DERA: variants seen among roughly 807,000 people sequenced by gnomAD.
DERA encodes the protein 2-deoxy-D-ribose 5-phosphate aldolase.
In DERA, 15 loss-of-function variants were observed where a neutral mutation model predicts 41.1. The ratio of observed to expected loss-of-function variants is 0.37; its 90% CI spans 0.24 to 0.56. The LOEUF is 0.56. Ranked by LOEUF, DERA falls within the 20% of genes least tolerant of loss-of-function variation. The pLI, the probability that DERA is intolerant of heterozygous loss-of-function variation, is 0.81. For missense variants in DERA, 396 were observed against 403.4 expected, an observed-to-expected ratio of 0.98 and a Z score of 0.16; for synonymous variants, 139 against 137.4, an observed-to-expected ratio of 1.01 and a Z score of -0.08.
In DERA at chr12:16,012,319, G is replaced by A. The variant is rs1253006736; in HGVS notation, c.638-20223G>A. Reference sequence around the variant, plus strand: ...CAGAACAGGATTAAGGGGCCAGCCAGCTGGGCAGTTTCCCAGTGTGCTAAT... The same window carrying A: ...CAGAACAGGATTAAGGGGCCAGCCAACTGGGCAGTTTCCCAGTGTGCTAAT... On this transcript the variant is annotated intron_variant, in intron 6 of 8. Coordinates refer to ENST00000428559, the MANE Select transcript of DERA (RefSeq NM_015954.4). The surrounding 1 kb of genome is among the most constrained non-coding windows in gnomAD (Gnocchi z 4.1). 1.3e-5 allele frequency among the ~76,000 whole-genome samples: 2 copies of A among 152,240 alleles called. No homozygotes were observed. The highest frequency in any genetic ancestry group is 4.8e-5 in the African/African-American group (2 of 41,458).
rs1948649785 is a variant in DERA, at chr12:15,970,057, C to T, written c.508+7110C>T. 6.6e-6 allele frequency among the ~76,000 whole-genome samples: 1 copy of T among 152,178 alleles called. No homozygotes were observed. The highest frequency in any genetic ancestry group is 1.5e-5 in the Non-Finnish European group (1 of 68,012). The stretch of plus-strand genomic sequence containing the variant: ...GTTATTATAATATCTGGTGTGTTAG[C>T]TCATCTCTGCCTTAGTCTTACAAGA... On this transcript the variant is annotated intron_variant, in intron 5 of 8. Coordinates refer to ENST00000428559, the MANE Select transcript of DERA (RefSeq NM_015954.4). The surrounding 1 kb of genome is among the most constrained non-coding windows in gnomAD (Gnocchi z 4.3).
At position 15,995,071 on chromosome 12, in the gene DERA, A is replaced by G. The variant is rs1234727948; in HGVS notation, c.637+12635A>G. 1.3e-5 allele frequency among the ~76,000 whole-genome samples: 2 copies of G among 152,160 alleles called. No homozygotes were observed. Among genetic ancestry groups the G allele is most frequent in the Admixed American group, 6.5e-5 (1 of 15,272 alleles). On this transcript the variant is annotated intron_variant, in intron 6 of 8. Transcript: ENST00000428559. This position sits in a 1 kb window ranked among gnomAD's most constrained non-coding sequence, Gnocchi z 5.1. Reference sequence around the variant, plus strand: ...GACTCTAAACTCCATGCTTTTATTAATGCACAACCCTGCTCTCTATCCTGC... The same window carrying G: ...GACTCTAAACTCCATGCTTTTATTAGTGCACAACCCTGCTCTCTATCCTGC...
chr12:15,936,959 C>CCTGTCTTGTCCTGTCCCGTCCCGT lies in DERA; in HGVS notation c.32-19976_32-19975insTGTCTTGTCCTGTCCCGTCCCGTC, dbSNP rs1565588788. Among the ~76,000 whole-genome samples the CCTGTCTTGTCCTGTCCCGTCCCGT allele has an allele frequency of 1.6e-3, 217 of 139,760 alleles. 2 individuals are homozygous for CCTGTCTTGTCCTGTCCCGTCCCGT. The highest frequency in any genetic ancestry group is 6.3e-3 in the African/African-American group (212 of 33,444). 91.7% of individuals were successfully genotyped at this position (139,760 alleles called of 152,430 possible). A position where few individuals can be genotyped will look rare whatever the true frequency, so the allele number is the denominator to read the frequency against. ...TCTTGTCCTGTCCCGTCCTGTCCTG[C>CCTGTCTTGTCCTGTCCCGTCCCGT]CCTGCCCTGCCCTGTCTTGTCTTTC... is the stretch of plus-strand genomic sequence containing the variant. On this transcript the variant is annotated intron_variant, in intron 1 of 8. Transcript: ENST00000428559. The surrounding 1 kb of genome is among the most constrained non-coding windows in gnomAD (Gnocchi z 4.6).
In DERA at chr12:16,021,288, T is replaced by G. The variant is rs1949015540; in HGVS notation, c.638-11254T>G. On this transcript the variant is annotated intron_variant, in intron 6 of 8. Coordinates refer to ENST00000428559, the MANE Select transcript of DERA (RefSeq NM_015954.4). This position sits in a 1 kb window ranked among gnomAD's most constrained non-coding sequence, Gnocchi z 5.3. ...TGCTGCCACCAGAATCCTAGAAGCC[T>G]CAGCTGAAAGGACAACTGATACAGC... Among the ~76,000 whole-genome samples the G allele has an allele frequency of 6.6e-6, 1 of 152,216 alleles. No individual in the cohort carries two copies. The highest frequency in any genetic ancestry group is 2.4e-5 in the African/African-American group (1 of 41,456).
chr12:16,016,035 A>G (rs145447437), intron 6 of DERA, among the ~76,000 whole-genome samples: 7 of 152,202 alleles, frequency 4.6e-5, no homozygotes, highest in Non-Finnish European at 1.0e-4. Flanking sequence ...AAAGTTGTGC[A>G]GCCATCTCTT....
At chr12:15,956,735 A>C in intron 1 of DERA, 1 of 656,766 alleles carries the variant, frequency 1.5e-6, no homozygotes, top group Non-Finnish European at 2.8e-6. Flanking sequence ...TAATGGAGTG[A>C]TTTTGCATGA....
chr12:15,960,991 G>GAT (rs1253359800), intron 4 of DERA, among the ~76,000 whole-genome samples: 1 of 152,180 alleles, frequency 6.6e-6, no homozygotes, highest in African/African-American at 2.4e-5. Context: ...TTGCAGAGGG[G>GAT]ATCCATGCCA....
chr12:15,932,065 C>G (rs1948332359), intron 1 of DERA, among the ~76,000 whole-genome samples: 1 of 152,170 alleles, frequency 6.6e-6, no homozygotes, highest in Admixed American at 6.5e-5. Flanking sequence ...ATTACCCAGT[C>G]TCAGTTATTC....
At chr12:16,025,266 G>T (rs1337673698) in intron 6 of DERA, among the ~76,000 whole-genome samples, 1 of 152,066 alleles carries the variant, frequency 6.6e-6, no homozygotes, top group Non-Finnish European at 1.5e-5. Context: ...AGAAGATAGA[G>T]ATGATAAAAA....
rs1443771808 is a variant in DERA at position 15,988,622 on chromosome 12, A to T, written c.637+6186A>T. On this transcript the variant is annotated intron_variant, in intron 6 of 8. Transcript: ENST00000428559. This position sits in a 1 kb window ranked among gnomAD's most constrained non-coding sequence, Gnocchi z 6.0. ...GGAAAAAGCACCATCGGACTGCCTG[A>T]ATGGTCATCAATGAAGTTCTCACTC... 2.0e-5 allele frequency among the ~76,000 whole-genome samples: 3 copies of T among 152,118 alleles called. No homozygotes were observed. Among genetic ancestry groups the T allele is most frequent in the Non-Finnish European group, 4.4e-5 (3 of 68,002 alleles).
chr12:15,980,991 GCTTACCCC>G (rs1948728932), intron 5 of DERA, among the ~76,000 whole-genome samples: 1 of 152,218 alleles, frequency 6.6e-6, no homozygotes, highest in Admixed American at 6.5e-5. Flanking sequence ...TTTAAGAAAT[GCTTACCCC>G]AACCCTTATT....
At chr12:15,925,913 C>T (rs762113614) in intron 1 of DERA, among the ~76,000 whole-genome samples, 47 of 149,414 alleles carry the variant, frequency 3.1e-4, no homozygotes, top group Non-Finnish European at 5.5e-4. Flanking sequence ...CTGCAGTCTC[C>T]GCCTCCCAGG....
At chr12:15,920,826 C>T (rs1302172833) in intron 1 of DERA, among the ~76,000 whole-genome samples, 4 of 152,074 alleles carry the variant, frequency 2.6e-5, no homozygotes, top group Non-Finnish European at 4.4e-5. Context: ...ACATCCGGAG[C>T]GAGACTCCGT....
intron 1 of DERA, among the ~76,000 whole-genome samples, chr12:15,929,703 C>G (rs1300014850): frequency 6.6e-6 from 1 of 152,066 alleles, no homozygotes; most frequent in Non-Finnish European, 1.5e-5. Context: ...TTCTGCAAGT[C>G]AAAGGTAGTG....
intron 5 of DERA, among the ~76,000 whole-genome samples, chr12:15,963,524 T>C (rs1425982867): frequency 1.3e-5 from 2 of 152,172 alleles, no homozygotes; most frequent in Non-Finnish European, 2.9e-5. Flanking sequence ...GCAACAAGCT[T>C]TTGTTTTTTT....
intron 1 of DERA, among the ~76,000 whole-genome samples, chr12:15,948,517 T>C (rs949019005): frequency 6.6e-6 from 1 of 152,244 alleles, no homozygotes; most frequent in East Asian, 1.9e-4. Context: ...GTATTCATCA[T>C]GTAGCTCTCG....
At chr12:15,930,732 A>T (rs1948321385) in intron 1 of DERA, among the ~76,000 whole-genome samples, 1 of 152,216 alleles carries the variant, frequency 6.6e-6, no homozygotes, top group Non-Finnish European at 1.5e-5. Context: ...TGAACTCACA[A>T]ACTTCAGGAA....
intron 6 of DERA, among the ~76,000 whole-genome samples, chr12:16,022,183 C>T (rs1244328333): frequency 1.3e-5 from 2 of 152,128 alleles, no homozygotes; most frequent in Admixed American, 6.5e-5. Flanking sequence ...AGCACCATCC[C>T]CTTGGTGATG....
Position 15,931,006 on chromosome 12 carries a change from T to C in DERA, c.31+19592T>C, listed in dbSNP as rs889360376. Among the ~76,000 whole-genome samples, 37 of 152,340 alleles carry C rather than the reference T, an allele frequency of 2.4e-4. No homozygotes were observed. The highest frequency in any genetic ancestry group is 8.4e-4 in the African/African-American group (35 of 41,582). On this transcript the variant is annotated intron_variant, in intron 1 of 8. Transcript: ENST00000428559. This position sits in a 1 kb window ranked among gnomAD's most constrained non-coding sequence, Gnocchi z 4.6. The stretch of plus-strand genomic sequence containing the variant: ...ATCTTCAAGTTCCATTAATTGTTTC[T>C]TCTTTTTTTGAGAGCTTAATATACT...
Sources: allele counts gnomAD v4.1 joint callset (sites outside exome capture counted in the v4.1 genomes callset), GRCh38; gene constraint gnomAD v4.1.1; non-coding constraint Gnocchi (gnomAD v3.1); transcripts MANE v1.5; gene names NCBI Gene and HGNC (gene_info 2026-07-23, HGNC 2026-07-21).